Variants in TEAD1 observed in about 807,000 individuals in gnomAD.
The protein encoded by TEAD1 is transcriptional enhancer factor TEF-1.
Under a neutral mutation model 54.9 loss-of-function variants are expected in TEAD1, and 9 were observed. That is an observed-to-expected ratio of 0.16 (90% CI 0.10 to 0.29). The LOEUF (loss-of-function observed/expected upper bound fraction) is 0.29, where lower values mean the gene tolerates loss of function less well. Among genes scored for constraint, TEAD1 ranks in the 10% least tolerant of loss-of-function variants. The pLI, the probability that TEAD1 is intolerant of heterozygous loss-of-function variation, is 1.00. For missense variants in TEAD1, 387 were observed against 535.9 expected (o/e 0.72, Z 2.74); for synonymous variants, 200 against 187.8 (o/e 1.07, Z -0.53).
chr11:12,790,876 G>A (rs1945787461), intron 3 of TEAD1, among the ~76,000 whole-genome samples: 1 of 152,178 alleles, frequency 6.6e-6, no homozygotes, highest in Non-Finnish European at 1.5e-5. Flanking sequence ...TGGTGAGGGG[G>A]GTGAAAAATG....
chr11:12,759,507 T>C (rs977676295), intron 2 of TEAD1, among the ~76,000 whole-genome samples: 11 of 152,136 alleles, frequency 7.2e-5, no homozygotes, highest in African/African-American at 2.7e-4. Flanking sequence ...TAAAGGATCT[T>C]TCAGAAAAGT....
chr11:12,781,882 A>C (rs887398933), intron 3 of TEAD1, among the ~76,000 whole-genome samples: 3 of 132,272 alleles, frequency 2.3e-5, no homozygotes, highest in Non-Finnish European at 3.1e-5. Context: ...TGAGAGGCCT[A>C]GGTGGGCAGA....
chr11:12,741,920 G>A (rs1013282182), intron 2 of TEAD1, among the ~76,000 whole-genome samples: 4 of 152,092 alleles, frequency 2.6e-5, no homozygotes, highest in African/African-American at 9.7e-5. Flanking sequence ...AAAATCATGT[G>A]GCTGTCTGTT....
At chr11:12,864,946 C>T (rs1947585773) in intron 5 of TEAD1, 46 bp downstream of exon 5, 1 of 1,603,856 alleles carries the variant, frequency 6.2e-7, no homozygotes, top group Non-Finnish European at 8.5e-7. Flanking sequence ...ATGCATCTCA[C>T]TTCCTGTTTT....
intron 2 of TEAD1, among the ~76,000 whole-genome samples, chr11:12,725,226 A>G (rs1316744318): frequency 1.3e-5 from 2 of 152,198 alleles, no homozygotes; most frequent in Admixed American, 6.5e-5. Context: ...GTTAAATGGA[A>G]TGTCCATGAT....
At chr11:12,715,509 C>G (rs1273573985) in intron 2 of TEAD1, among the ~76,000 whole-genome samples, 1 of 152,088 alleles carries the variant, frequency 6.6e-6, no homozygotes, top group Non-Finnish European at 1.5e-5. Flanking sequence ...CCCAGGTGTT[C>G]TGCTCCTGGG....
At chr11:12,878,809 A>G (rs202110488) in intron 5 of TEAD1, 864 of 791,448 alleles carry the variant, frequency 1.1e-3, no homozygotes, top group East Asian at 2.3e-3. Context: ...ACATATATAT[A>G]TGTTTTTTTT....
intron 2 of TEAD1, among the ~76,000 whole-genome samples, chr11:12,684,842 C>T (rs1943300588): frequency 6.6e-6 from 1 of 152,232 alleles, no homozygotes; most frequent in Non-Finnish European, 1.5e-5. Flanking sequence ...TAATAATTCA[C>T]ACTCATGTGA....
intron 3 of TEAD1, among the ~76,000 whole-genome samples, chr11:12,773,505 C>G (rs1590136109): frequency 6.6e-6 from 1 of 152,138 alleles, no homozygotes; most frequent in South Asian, 2.1e-4. Flanking sequence ...TTTGCATTTC[C>G]TTAAAGACTA....
chr11:12,706,639 A>T (rs1473773469), intron 2 of TEAD1, among the ~76,000 whole-genome samples: 2 of 152,236 alleles, frequency 1.3e-5, no homozygotes, highest in Admixed American at 6.5e-5. Flanking sequence ...TGGAGCTCCC[A>T]GGTGCAACCT....
chr11:12,827,061 A>G (rs745695236), intron 3 of TEAD1, among the ~76,000 whole-genome samples: 1 of 152,186 alleles, frequency 6.6e-6, no homozygotes, highest in Non-Finnish European at 1.5e-5. Flanking sequence ...GCCACTTATC[A>G]ATTCTGTTGT....
At chr11:12,769,064 C>T (rs572324358) in intron 3 of TEAD1, among the ~76,000 whole-genome samples, 48 of 152,210 alleles carry the variant, frequency 3.2e-4, no homozygotes, top group Non-Finnish European at 5.6e-4. Context: ...CTGGGCAGAG[C>T]TGTTGCTTCC....
chr11:12,781,859 G>A (rs1048727386), intron 3 of TEAD1, among the ~76,000 whole-genome samples: 27 of 146,654 alleles, frequency 1.8e-4, no homozygotes, highest in African/African-American at 6.3e-4. Context: ...AGGTGTGTTG[G>A]CTCCCAGCAC....
At chr11:12,792,474 T>C (rs532735644) in intron 3 of TEAD1, among the ~76,000 whole-genome samples, 4 of 152,226 alleles carry the variant, frequency 2.6e-5, no homozygotes, top group South Asian at 2.1e-4. Flanking sequence ...TTCGTTGATA[T>C]AAGTCTGTTT....
At chr11:12,837,689 T>TCCCTTCTCCCC (rs1946925257) in intron 3 of TEAD1, among the ~76,000 whole-genome samples, 1 of 147,982 alleles carries the variant, frequency 6.8e-6, no homozygotes. Context: ...TCTTTCTCCC[T>TCCCTTCTCCCC]TCTCCCTTCT....
At chr11:12,935,225 C>T (rs1376984863) in intron 12 of TEAD1, among the ~76,000 whole-genome samples, 1 of 152,094 alleles carries the variant, frequency 6.6e-6, no homozygotes. Flanking sequence ...AGGAAGGCTT[C>T]CTGAGGAAGA....
chr11:12,897,522 C>T (rs1393554426), intron 9 of TEAD1, among the ~76,000 whole-genome samples: 1 of 152,140 alleles, frequency 6.6e-6, no homozygotes, highest in African/African-American at 2.4e-5. Flanking sequence ...TTCTGTAGTA[C>T]TTTGTATTCT....
chr11:12,872,264 C>T (rs936716443), intron 5 of TEAD1, among the ~76,000 whole-genome samples: 2 of 152,202 alleles, frequency 1.3e-5, no homozygotes, highest in African/African-American at 4.8e-5. Context: ...CTCCGTGAAG[C>T]CCCCTGAGCC....
chr11:12,882,483 T>C (rs927689660), intron 8 of TEAD1, among the ~76,000 whole-genome samples: 1 of 152,056 alleles, frequency 6.6e-6, no homozygotes, highest in Non-Finnish European at 1.5e-5. Flanking sequence ...CTACTTGAGG[T>C]GTACAGTATA....
Sources: gnomAD v4.1 joint callset for allele counts (sites outside exome capture counted in the v4.1 genomes callset) on GRCh38, gnomAD v4.1.1 for gene constraint, MANE v1.5 for transcripts, NCBI Gene and HGNC (gene_info 2026-07-23, HGNC 2026-07-21) for gene names.